CDH2: variants seen among roughly 807,000 people sequenced by gnomAD.
CDH2 encodes the protein cadherin 2, also known as cadherin-2.
In CDH2, 17 loss-of-function variants were observed where a neutral mutation model predicts 92.0. That is an observed-to-expected ratio of 0.18 (90% CI 0.13 to 0.28). The LOEUF (loss-of-function observed/expected upper bound fraction) is 0.28. Among genes scored for constraint, CDH2 ranks in the 10% least tolerant of loss-of-function variants. The pLI is 1.00. For missense variants in CDH2, 862 were observed against 1,133.1 expected (o/e 0.76, Z 3.44); for synonymous variants, 419 against 415.9 (o/e 1.01, Z -0.09).
chr18:28,044,850 CGTGTGTGTGT>C (rs68093312), intron 2 of CDH2, among the ~76,000 whole-genome samples: 41 of 148,504 alleles, frequency 2.8e-4, no homozygotes, highest in African/African-American at 9.1e-4. Flanking sequence ...TATATAACAT[CGTGTGTGTGT>C]GTGTGTGTGT....
Position 27,975,472 on chromosome 18 carries a change from T to A in CDH2, c.2349+7472A>T, listed in dbSNP as rs17522158. Among the ~76,000 whole-genome samples, 1,347 of 152,246 alleles carry A rather than the reference T, an allele frequency of 8.8e-3. 16 individuals carry two copies. Among genetic ancestry groups the A allele is most frequent in the African/African-American group, 0.031 (1,271 of 41,534 alleles). ...CTCAGCCTGCTGAGCCAATTCCTTGTGGGAGGGAGCGCACAGGTGAGTGAG... is the reference window on the plus strand; with the variant it reads ...CTCAGCCTGCTGAGCCAATTCCTTGAGGGAGGGAGCGCACAGGTGAGTGAG... On this transcript the variant is annotated intron_variant, in intron 14 of 15. Transcript: ENST00000269141.
intron 1 of CDH2, among the ~76,000 whole-genome samples, chr18:28,174,564 C>A (rs1007411186): frequency 6.6e-6 from 1 of 152,088 alleles, no homozygotes; most frequent in African/African-American, 2.4e-5. Flanking sequence ...TTAAAAAAGT[C>A]AACATTGGTA....
intron 7 of CDH2, among the ~76,000 whole-genome samples, chr18:27,995,103 G>A (rs1038508499): frequency 6.6e-6 from 1 of 151,922 alleles, no homozygotes; most frequent in Non-Finnish European, 1.5e-5. Flanking sequence ...ATGAGGTCAG[G>A]AGTTCAAGAC....
intron 2 of CDH2, among the ~76,000 whole-genome samples, chr18:28,119,694 C>T (rs1248710745): frequency 1.3e-5 from 2 of 152,088 alleles, no homozygotes; most frequent in African/African-American, 4.8e-5. Flanking sequence ...CTCGTCTTCT[C>T]CCACAGTAAT....
At chr18:27,955,971 A>T (rs984612110) in intron 15 of CDH2, among the ~76,000 whole-genome samples, 1 of 152,102 alleles carries the variant, frequency 6.6e-6, no homozygotes, top group Non-Finnish European at 1.5e-5. Flanking sequence ...ACTGATTTTT[A>T]TCTGAGAATA....
chr18:28,064,817 A>G (rs1397136014), intron 2 of CDH2, among the ~76,000 whole-genome samples: 1 of 152,092 alleles, frequency 6.6e-6, no homozygotes. Flanking sequence ...AATTTACCAG[A>G]AATGTTTTCA....
chr18:28,138,122 C>A (rs540588995), intron 2 of CDH2, among the ~76,000 whole-genome samples: 5 of 151,758 alleles, frequency 3.3e-5, no homozygotes, highest in African/African-American at 1.2e-4. Flanking sequence ...TATTGTATAC[C>A]CCTTTCTTCA....
chr18:28,036,497 G>C (rs2013832309), intron 2 of CDH2: 1 of 1,597,534 alleles, frequency 6.3e-7, no homozygotes, highest in Non-Finnish European at 8.6e-7. Flanking sequence ...AATTCTGCTT[G>C]GTTCTTTAAT....
At chr18:28,005,092 A>G (rs1042520794) in intron 6 of CDH2, among the ~76,000 whole-genome samples, 12 of 152,164 alleles carry the variant, frequency 7.9e-5, no homozygotes. Flanking sequence ...CTGGTCAAAC[A>G]CTTACTTTTA....
At chr18:28,063,844 T>G (rs2014453000) in intron 2 of CDH2, among the ~76,000 whole-genome samples, 1 of 152,220 alleles carries the variant, frequency 6.6e-6, no homozygotes, top group African/African-American at 2.4e-5. Context: ...AACAGGCTTT[T>G]CTATATTTTC....
intron 15 of CDH2, among the ~76,000 whole-genome samples, chr18:27,955,761 G>GTTTTTTTTTTTTCTTTTTTTTTTTTTTT (rs2011230300): frequency 9.0e-6 from 1 of 111,716 alleles, no homozygotes; most frequent in East Asian, 2.8e-4. Flanking sequence ...CTTTATTTCT[G>GTTTTTTTTTTTTCTTTTTTTTTTTTTTT]TTTTTTTTTT....
At chr18:28,009,208 A>G (rs1464435454) in intron 5 of CDH2, among the ~76,000 whole-genome samples, 1 of 152,226 alleles carries the variant, frequency 6.6e-6, no homozygotes, top group Non-Finnish European at 1.5e-5. Flanking sequence ...TGACAATGTT[A>G]GAAATAAACA....
chr18:28,106,424 A>G (rs1486964595), intron 2 of CDH2, among the ~76,000 whole-genome samples: 1 of 146,218 alleles, frequency 6.8e-6, no homozygotes, highest in East Asian at 2.0e-4. Context: ...TTCAAGAAAG[A>G]AAAAAAAAAA....
At chr18:28,123,249 AT>A (rs2015621921) in intron 2 of CDH2, among the ~76,000 whole-genome samples, 1 of 152,308 alleles carries the variant, frequency 6.6e-6, no homozygotes, top group East Asian at 1.9e-4. Context: ...AAAGTGTTTT[AT>A]TCATGCTGCA....
chr18:28,007,907 T>A (rs2012986799), intron 5 of CDH2, among the ~76,000 whole-genome samples: 1 of 152,142 alleles, frequency 6.6e-6, no homozygotes, highest in African/African-American at 2.4e-5. Flanking sequence ...TTTTATTTTT[T>A]ATTTTTAGTA....
intron 14 of CDH2, among the ~76,000 whole-genome samples, chr18:27,979,799 G>A (rs901601265): frequency 6.6e-6 from 1 of 152,148 alleles, no homozygotes; most frequent in Non-Finnish European, 1.5e-5. Flanking sequence ...TGGTTACTTT[G>A]GACAGAGGGC....
At chr18:28,023,431 C>T (rs1302023655) in intron 2 of CDH2, among the ~76,000 whole-genome samples, 2 of 152,118 alleles carry the variant, frequency 1.3e-5, no homozygotes, top group Non-Finnish European at 2.9e-5. Context: ...TCAAGTGATT[C>T]TCTTGCTTCA....
intron 1 of CDH2, among the ~76,000 whole-genome samples, chr18:28,162,091 T>A (rs1022469885): frequency 6.6e-6 from 1 of 152,242 alleles, no homozygotes; most frequent in Non-Finnish European, 1.5e-5. Flanking sequence ...CTGATTCTTT[T>A]GTCTTATTTG....
Position 28,006,735 on chromosome 18 carries a change from A to AAAG in CDH2, c.703-745_703-743dup, listed in dbSNP as rs1555632673. On this transcript the variant is annotated intron_variant, in intron 5 of 15. Coordinates refer to ENST00000269141, the MANE Select transcript of CDH2 (RefSeq NM_001792.5). The stretch of plus-strand genomic sequence containing the variant: ...TCTGTCTCAAAAAAAAAAAAAAAAA[A>AAAG]AAGAAGTGGAAGTAGCACAAAGTAG... Among the ~76,000 whole-genome samples the AAAG allele has an allele frequency of 1.1e-4, 17 of 151,488 alleles. No individual in the cohort carries two copies. The East Asian group carries it at 3.3e-3, about 30-fold the overall frequency.
Sources: allele counts gnomAD v4.1 joint callset (sites outside exome capture counted in the v4.1 genomes callset), GRCh38; gene constraint gnomAD v4.1.1; transcripts MANE v1.5; gene names NCBI Gene and HGNC (gene_info 2026-07-23, HGNC 2026-07-21).